Variants in HS3ST4 observed in about 807,000 individuals in gnomAD.
HS3ST4 encodes the protein heparan sulfate-glucosamine 3-sulfotransferase 4.
In HS3ST4, 17 loss-of-function variants were observed where a neutral mutation model predicts 29.2. The observed-to-expected ratio is 0.58, with a 90% confidence interval of 0.40 to 0.87. The LOEUF (loss-of-function observed/expected upper bound fraction) is 0.87. HS3ST4 is among the 40% of genes least tolerant of loss of function. The pLI is 0.00. For synonymous variants in HS3ST4, 314 were observed against 285.7 expected (o/e 1.10, Z -1.00); for missense variants, 627 against 634.5 (o/e 0.99, Z 0.13).
chr16:25,896,028 T>C (rs1410551859), intron 1 of HS3ST4, among the ~76,000 whole-genome samples: 1 of 152,138 alleles, frequency 6.6e-6, no homozygotes, highest in Non-Finnish European at 1.5e-5. Flanking sequence ...TGGGAGGTGC[T>C]GGGCTAGGCT....
In HS3ST4 at chr16:25,692,530, T is replaced by C; in HGVS notation, c.113T>C (p.Met38Thr). 1 of 1,434,234 alleles carries C rather than the reference T, an allele frequency of 7.0e-7. No individual in the cohort carries two copies. The highest frequency in any genetic ancestry group is 9.2e-7 in the Non-Finnish European group (1 of 1,081,850). The allele number at this position is 1,434,234 out of a possible 1,614,324, so 88.8% of individuals were successfully genotyped here. The change falls in exon 1 of 2, where the codon ATG becomes ACG. Residue 38 changes from methionine (M) to threonine (T), a missense_variant. By Grantham distance (81) the Met-to-Thr change is moderately conservative (BLOSUM62 -1). Transcript: ENST00000331351. ...CCGCCGGCGCGCAAGCTGCTTTTTA[T>C]GTGCACCTTGTCCCTGTCTGTCACC... ...KGPPARKLLF[M>T]CTLSLSVTYL...
At chr16:26,066,398 A>G (rs1326343776) in intron 1 of HS3ST4, among the ~76,000 whole-genome samples, 2 of 152,342 alleles carry the variant, frequency 1.3e-5, no homozygotes, top group Admixed American at 6.5e-5. Flanking sequence ...TGTTATTGAG[A>G]GCAAGACTAT....
intron 1 of HS3ST4, among the ~76,000 whole-genome samples, chr16:26,134,343 TTTTCTTTTC>T (rs1898249876): frequency 8.9e-6 from 1 of 111,836 alleles, no homozygotes; most frequent in East Asian, 2.3e-4. Context: ...TTTTCTTTTC[TTTTCTTTTC>T]TTTTCTTTTC....
At chr16:25,828,279 T>TCTTTCTTC (rs1967248615) in intron 1 of HS3ST4, among the ~76,000 whole-genome samples, 1 of 95,078 alleles carries the variant, frequency 1.1e-5, no homozygotes, top group Non-Finnish European at 2.1e-5. Context: ...TTTCTTTCTT[T>TCTTTCTTC]CTTTCTTTCT....
At chr16:26,070,610 C>T (rs1166069077) in intron 1 of HS3ST4, among the ~76,000 whole-genome samples, 1 of 152,164 alleles carries the variant, frequency 6.6e-6, no homozygotes, top group African/African-American at 2.4e-5. Context: ...GATGGAACAT[C>T]TCTTGGGTAA....
chr16:25,904,823 G>A (rs1362248651), intron 1 of HS3ST4, among the ~76,000 whole-genome samples: 1 of 152,176 alleles, frequency 6.6e-6, no homozygotes, highest in Admixed American at 6.5e-5. Flanking sequence ...TTTAACTGTA[G>A]GGTTGTTTTA....
chr16:26,051,915 TTCCTTCCTTCCTTCCTTCCTTCCG>T (rs1596663923), intron 1 of HS3ST4, among the ~76,000 whole-genome samples: 1 of 86,718 alleles, frequency 1.2e-5, no homozygotes, highest in Non-Finnish European at 2.1e-5. Context: ...CCTCCCTCCC[TTCCTTCCTTCCTTCCTTCCTTCCG>T]TCCTTCCTTC....
At chr16:25,961,999 A>G (rs754443493) in intron 1 of HS3ST4, among the ~76,000 whole-genome samples, 6 of 152,210 alleles carry the variant, frequency 3.9e-5, no homozygotes, top group Admixed American at 1.3e-4. Context: ...AAAATCTTTA[A>G]GCTTTGAGAT....
rs991134938 is a variant in HS3ST4 at position 26,012,511 on chromosome 16, A to G, written c.735-123101A>G. Among the ~76,000 whole-genome samples, 5 of 152,170 alleles carry G rather than the reference A, an allele frequency of 3.3e-5. No homozygotes were observed. The East Asian group carries it at 9.6e-4, about 29-fold the overall frequency. ...TCTCAGAAGCCACTAATATTTTTCC[A>G]TTGTTTATGAAAATGTCCAGATATA... On this transcript the variant is annotated intron_variant, in intron 1 of 1. Coordinates refer to ENST00000331351, the MANE Select transcript of HS3ST4 (RefSeq NM_006040.3).
chr16:26,077,547 G>T (rs1246724361), intron 1 of HS3ST4, among the ~76,000 whole-genome samples: 1 of 152,166 alleles, frequency 6.6e-6, no homozygotes, highest in Non-Finnish European at 1.5e-5. Flanking sequence ...CACCTGACAT[G>T]TTACACGTTT....
At chr16:25,844,392 A>G (rs1206328103) in intron 1 of HS3ST4, among the ~76,000 whole-genome samples, 1 of 152,216 alleles carries the variant, frequency 6.6e-6, no homozygotes, top group Admixed American at 6.5e-5. Flanking sequence ...TTATTTTAAA[A>G]CAACATATCT....
chr16:26,082,661 C>T (rs796180691), intron 1 of HS3ST4, among the ~76,000 whole-genome samples: 1 of 152,266 alleles, frequency 6.6e-6, no homozygotes, highest in African/African-American at 2.4e-5. Context: ...AAAAATGGTA[C>T]ATGCTGCAGA....
intron 1 of HS3ST4, among the ~76,000 whole-genome samples, chr16:25,964,880 T>C (rs1348640935): frequency 1.3e-5 from 2 of 152,320 alleles, no homozygotes; most frequent in East Asian, 3.9e-4. Flanking sequence ...TGTTCGAGTG[T>C]ATTATATACA....
chr16:26,118,931 G>A (rs1327973941), intron 1 of HS3ST4, among the ~76,000 whole-genome samples: 2 of 152,192 alleles, frequency 1.3e-5, no homozygotes, highest in Admixed American at 6.5e-5. Flanking sequence ...AAGCACAGGA[G>A]TGATGTAATA....
intron 1 of HS3ST4, among the ~76,000 whole-genome samples, chr16:26,049,603 CCAAGCAAG>C (rs968968211): frequency 6.6e-6 from 1 of 151,804 alleles, no homozygotes; most frequent in Non-Finnish European, 1.5e-5. Context: ...CCCCCACACA[CCAAGCAAG>C]CAAGCAAGCA....
At chr16:25,937,167 C>T (rs1968525464) in intron 1 of HS3ST4, among the ~76,000 whole-genome samples, 1 of 151,628 alleles carries the variant, frequency 6.6e-6, no homozygotes, top group South Asian at 2.1e-4. Flanking sequence ...AATTGAACAT[C>T]TGTCCAACTG....
At chr16:25,957,291 C>T (rs1329287293) in intron 1 of HS3ST4, among the ~76,000 whole-genome samples, 2 of 152,196 alleles carry the variant, frequency 1.3e-5, no homozygotes, top group Non-Finnish European at 2.9e-5. Context: ...TCTTCTCTGG[C>T]AAAGGCCTGG....
chr16:25,959,262 G>C (rs908140940), intron 1 of HS3ST4, among the ~76,000 whole-genome samples: 3 of 152,158 alleles, frequency 2.0e-5, no homozygotes, highest in African/African-American at 7.2e-5. Context: ...CGAAAGTTGG[G>C]TCTGAAAAAC....
intron 1 of HS3ST4, among the ~76,000 whole-genome samples, chr16:26,018,063 A>G (rs1449512494): frequency 6.6e-6 from 1 of 152,212 alleles, no homozygotes; most frequent in Non-Finnish European, 1.5e-5. Context: ...TCTCCAGTAG[A>G]GAGCTGATTA....
Sources: allele counts gnomAD v4.1 joint callset (sites outside exome capture counted in the v4.1 genomes callset), GRCh38; gene constraint gnomAD v4.1.1; transcripts MANE v1.5; gene names NCBI Gene and HGNC (gene_info 2026-07-23, HGNC 2026-07-21).